Variants in KIAA1549L observed in about 807,000 individuals in gnomAD.
KIAA1549L encodes KIAA1549 like, also known as UPF0606 protein KIAA1549L.
Under a neutral mutation model 160.7 loss-of-function variants are expected in KIAA1549L, and 88 were observed. The observed-to-expected ratio is 0.55, with a 90% CI of 0.46 to 0.65. KIAA1549L has a LOEUF of 0.65. KIAA1549L is among the 30% of genes least tolerant of loss of function. The pLI, the probability that KIAA1549L is intolerant of heterozygous loss-of-function variation, is 0.00. For missense variants in KIAA1549L, 2,258 were observed against 2,437.5 expected, an observed-to-expected ratio of 0.93 and a Z score of 1.55; for synonymous variants, 950 against 976.7, an observed-to-expected ratio of 0.97 and a Z score of 0.51.
At chr11:33,630,813 G>A (rs1851265321) in intron 16 of KIAA1549L, among the ~76,000 whole-genome samples, 1 of 152,210 alleles carries the variant, frequency 6.6e-6, no homozygotes, top group Non-Finnish European at 1.5e-5. Flanking sequence ...CCCGATTTAA[G>A]AGATTTTCAA....
intron 1 of KIAA1549L, among the ~76,000 whole-genome samples, chr11:33,418,932 C>T (rs1371545355): frequency 6.8e-6 from 1 of 148,034 alleles, no homozygotes; most frequent in Non-Finnish European, 1.5e-5. Flanking sequence ...TAGGGTCTGG[C>T]TCTGTCACCC....
intron 13 of KIAA1549L, among the ~76,000 whole-genome samples, chr11:33,605,122 C>T (rs992108872): frequency 3.3e-5 from 5 of 151,980 alleles, no homozygotes; most frequent in South Asian, 2.1e-4. Context: ...GTAAGTGATC[C>T]GAGAGAGAGC....
chr11:33,650,056 A>T (rs1851841520), intron 17 of KIAA1549L, among the ~76,000 whole-genome samples: 1 of 152,102 alleles, frequency 6.6e-6, no homozygotes, highest in African/African-American at 2.4e-5. Flanking sequence ...TGAGGTCCTC[A>T]CCCGGAAGGA....
chr11:33,495,590 C>T (rs1439146442), intron 1 of KIAA1549L, among the ~76,000 whole-genome samples: 5 of 152,308 alleles, frequency 3.3e-5, no homozygotes, highest in Middle Eastern at 3.4e-3. Flanking sequence ...TAAGCATATG[C>T]GTGCATGTGT....
At chr11:33,615,404 C>G (rs11827110) in intron 15 of KIAA1549L, among the ~76,000 whole-genome samples, 15,465 of 152,232 alleles carry the variant, frequency 0.1, 2,639 homozygotes, top group African/African-American at 0.35. Context: ...AAGAAACTTA[C>G]TTCTCAAGTT....
chr11:33,584,255 C>G (rs1366367886), intron 11 of KIAA1549L, among the ~76,000 whole-genome samples: 1 of 152,200 alleles, frequency 6.6e-6, no homozygotes, highest in East Asian at 1.9e-4. Flanking sequence ...TTACAACAGC[C>G]CGAACTGACT....
intron 1 of KIAA1549L, among the ~76,000 whole-genome samples, chr11:33,411,092 T>G (rs1429546145): frequency 6.6e-6 from 1 of 152,172 alleles, no homozygotes; most frequent in Admixed American, 6.5e-5. Flanking sequence ...GGAAGTGCAG[T>G]CTGCTAGTCT....
intron 16 of KIAA1549L, among the ~76,000 whole-genome samples, chr11:33,620,963 G>T (rs1564927778): frequency 6.6e-6 from 1 of 152,168 alleles, no homozygotes; most frequent in Non-Finnish European, 1.5e-5. Flanking sequence ...ACAGCAGTGA[G>T]CCGGTCATTC....
chr11:33,498,971 G>A (rs2133082788), intron 1 of KIAA1549L, among the ~76,000 whole-genome samples: 1 of 152,336 alleles, frequency 6.6e-6, no homozygotes, highest in Non-Finnish European at 1.5e-5. Context: ...AGCCCTGTGA[G>A]GAAGTGCAGG....
chr11:33,482,963 C>T (rs982378213), intron 1 of KIAA1549L, among the ~76,000 whole-genome samples: 1 of 152,066 alleles, frequency 6.6e-6, no homozygotes, highest in African/African-American at 2.4e-5. Flanking sequence ...TCAGTGTTTC[C>T]TGGTATTTTC....
chr11:33,381,478 A>G (rs889230822), intron 1 of KIAA1549L, among the ~76,000 whole-genome samples: 13 of 152,186 alleles, frequency 8.5e-5, no homozygotes, highest in Non-Finnish European at 2.9e-5. Flanking sequence ...AAGAGCAGGA[A>G]TGCCAATGTA....
At chr11:33,633,139 C>CTTTTTTTTTTTTTTTTTTT (rs56310347) in intron 16 of KIAA1549L, among the ~76,000 whole-genome samples, 7 of 50,732 alleles carry the variant, frequency 1.4e-4, no homozygotes, top group African/African-American at 5.1e-4. Flanking sequence ...CCATGCCCAG[C>CTTTTTTTTTTTTTTTTTTT]TTTTTTTTTT....
intron 6 of KIAA1549L, among the ~76,000 whole-genome samples, chr11:33,558,839 C>CTTT (rs567011766): frequency 7.1e-6 from 1 of 140,596 alleles, no homozygotes; most frequent in Non-Finnish European, 1.6e-5. Flanking sequence ...TTTTTCTTTT[C>CTTT]TTTTTTTTTT....
At chr11:33,532,561 A>G (rs1431715949) in intron 1 of KIAA1549L, among the ~76,000 whole-genome samples, 1 of 152,240 alleles carries the variant, frequency 6.6e-6, no homozygotes. Flanking sequence ...AGAGATGTTA[A>G]GTAACTTGTC....
intron 1 of KIAA1549L, among the ~76,000 whole-genome samples, chr11:33,507,719 C>T (rs1381161834): frequency 6.6e-6 from 1 of 152,070 alleles, no homozygotes; most frequent in Admixed American, 6.5e-5. Context: ...TATACAGTAC[C>T]CCGAACAGAG....
At chr11:33,566,829 T>C (rs966274818) in intron 8 of KIAA1549L, among the ~76,000 whole-genome samples, 8 of 152,256 alleles carry the variant, frequency 5.3e-5, no homozygotes, top group Non-Finnish European at 2.9e-5. Flanking sequence ...TCGATGATCC[T>C]TGGATGGGCT....
At chr11:33,517,775 C>T (rs1000732837) in intron 1 of KIAA1549L, among the ~76,000 whole-genome samples, 1 of 152,068 alleles carries the variant, frequency 6.6e-6, no homozygotes, top group Admixed American at 6.5e-5. Context: ...GGAAACTCTG[C>T]AGGTAAAAGG....
chr11:33,607,462 G>A (rs898771708), intron 14 of KIAA1549L, among the ~76,000 whole-genome samples: 2 of 152,136 alleles, frequency 1.3e-5, no homozygotes, highest in Admixed American at 6.5e-5. Flanking sequence ...AAAATTATCT[G>A]CATTTCCTTC....
intron 1 of KIAA1549L, among the ~76,000 whole-genome samples, chr11:33,505,833 C>T (rs1590295672): frequency 1.3e-5 from 2 of 152,106 alleles, no homozygotes; most frequent in East Asian, 3.9e-4. Flanking sequence ...TCCAGGACTT[C>T]AAAATATTTC....
Sources: gnomAD v4.1 joint callset for allele counts (sites outside exome capture counted in the v4.1 genomes callset) on GRCh38, gnomAD v4.1.1 for gene constraint, MANE v1.5 for transcripts, NCBI Gene and HGNC (gene_info 2026-07-23, HGNC 2026-07-21) for gene names.